DPP6: variants seen among roughly 807,000 people sequenced by gnomAD.
DPP6 encodes the protein A-type potassium channel modulatory protein DPP6.
DPP6 carries 69 observed loss-of-function variants against 122.6 expected under a neutral mutation model. The observed-to-expected ratio is 0.56, with a 90% CI of 0.46 to 0.69. The LOEUF (loss-of-function observed/expected upper bound fraction) is 0.69, where lower values mean the gene tolerates loss of function less well. DPP6 is among the 30% of genes least tolerant of loss of function. DPP6 has a pLI of 0.00. For synonymous variants in DPP6, 418 were observed against 433.1 expected (o/e 0.97, Z 0.43); for missense variants, 928 against 1,116.9 (o/e 0.83, Z 2.41).
intron 1 of DPP6, among the ~76,000 whole-genome samples, chr7:153,948,553 A>T (rs536847842): frequency 6.6e-6 from 1 of 152,102 alleles, no homozygotes; most frequent in Admixed American, 6.5e-5. Context: ...TAGAAATAGG[A>T]ATGTTAATAC....
chr7:154,737,750 G>A (rs1475732664), intron 8 of DPP6, among the ~76,000 whole-genome samples: 1 of 152,202 alleles, frequency 6.6e-6, no homozygotes, highest in Non-Finnish European at 1.5e-5. Flanking sequence ...GCAGCATCCT[G>A]TAGATGTGTC....
the DPP6 span, among the ~76,000 whole-genome samples, chr7:153,775,728 C>T: frequency 6.6e-6 from 1 of 151,942 alleles, no homozygotes; most frequent in Non-Finnish European, 1.5e-5. Flanking sequence ...GTGAGTTTAG[C>T]AAGGTCACAA....
At chr7:154,861,528 C>G (rs1803395329) in intron 17 of DPP6, among the ~76,000 whole-genome samples, 1 of 152,128 alleles carries the variant, frequency 6.6e-6, no homozygotes, top group Non-Finnish European at 1.5e-5. Context: ...GAATTCTGTC[C>G]TAACGTCATT....
chr7:154,143,361 T>A (rs1795936826), intron 1 of DPP6, among the ~76,000 whole-genome samples: 1 of 151,940 alleles, frequency 6.6e-6, no homozygotes, highest in Non-Finnish European at 1.5e-5. Context: ...TGCAGTAGAT[T>A]TGAAAGTCTT....
At position 153,976,879 on chromosome 7, in the gene DPP6, C is replaced by T. The variant is rs376178742; in HGVS notation, c.51+89145C>T. On this transcript the variant is annotated intron_variant, in intron 1 of 25. Coordinates refer to the DPP6 transcript ENST00000404039. ...ATCGGGGCTGCCACTGGGCCCCTCC[C>T]TCACACCTCATGCTCCACCAGGAGA... Among the ~76,000 whole-genome samples, 87 of 152,294 alleles carry T rather than the reference C, an allele frequency of 5.7e-4. 1 individual carries two copies. The East Asian group carries it at 0.015, about 26-fold the overall frequency.
At chr7:154,891,837 C>T (rs1806638336) in intron 25 of DPP6, among the ~76,000 whole-genome samples, 1 of 152,288 alleles carries the variant, frequency 6.6e-6, no homozygotes, top group East Asian at 1.9e-4. Flanking sequence ...CCTCCCGCCT[C>T]GGCCTGCCAA....
At chr7:154,858,541 C>G (rs1803030541) in intron 17 of DPP6, 3 of 152,538 alleles carry the variant, frequency 2.0e-5, no homozygotes, top group Non-Finnish European at 2.9e-5. Context: ...TCAGCACCTT[C>G]TCCGCCCATA....
rs1416006422 is a variant in DPP6 at position 154,793,980 on chromosome 7, C to T, written c.1137-99C>T. The T allele has an allele frequency of 5.4e-6, 8 of 1,483,004 alleles. No homozygotes were observed. The South Asian group carries it at 7.1e-5, about 13-fold the overall frequency. The allele number at this position is 1,483,004 out of a possible 1,614,324, so 91.9% of individuals were successfully genotyped here. Reference sequence around the variant, plus strand: ...CTGTGTCACCACTGGCTCCGGCCCCCGGCTCCCGTGTCGTGTCCAGGGCTG... The same window carrying T: ...CTGTGTCACCACTGGCTCCGGCCCCTGGCTCCCGTGTCGTGTCCAGGGCTG... On this transcript the variant is annotated intron_variant, in intron 10 of 25. Coordinates refer to ENST00000377770, the MANE Select transcript of DPP6 (RefSeq NM_130797.4).
intron 1 of DPP6, among the ~76,000 whole-genome samples, chr7:154,061,204 C>A (rs1483832558): frequency 6.7e-6 from 1 of 149,268 alleles, no homozygotes; most frequent in African/African-American, 2.4e-5. Flanking sequence ...ATTAGCCAAG[C>A]CTTTGTATGA....
intron 3 of DPP6, among the ~76,000 whole-genome samples, chr7:154,504,924 C>G (rs1310057348): frequency 6.6e-6 from 1 of 152,000 alleles, no homozygotes; most frequent in East Asian, 1.9e-4. Context: ...TCAAAGTTAC[C>G]ATGTTGAAAG....
intron 1 of DPP6, among the ~76,000 whole-genome samples, chr7:154,328,986 T>C (rs1290300929): frequency 6.6e-6 from 1 of 152,230 alleles, no homozygotes; most frequent in Non-Finnish European, 1.5e-5. Flanking sequence ...TGTGGATAGC[T>C]CTGTAAGTAG....
intron 1 of DPP6, among the ~76,000 whole-genome samples, chr7:154,432,720 C>T (rs990261315): frequency 6.6e-6 from 1 of 152,046 alleles, no homozygotes; most frequent in Non-Finnish European, 1.5e-5. Context: ...GCATGCTGAG[C>T]GTGGGTTTCA....
At chr7:154,169,641 A>G (rs1185680090) in intron 1 of DPP6, among the ~76,000 whole-genome samples, 2 of 152,160 alleles carry the variant, frequency 1.3e-5, no homozygotes, top group Non-Finnish European at 2.9e-5. Flanking sequence ...AATGTAAGCT[A>G]ATGTTATTTT....
chr7:154,247,437 A>G (rs998860980), intron 1 of DPP6, among the ~76,000 whole-genome samples: 1 of 152,224 alleles, frequency 6.6e-6, no homozygotes, highest in Non-Finnish European at 1.5e-5. Context: ...TAATGGACAA[A>G]AGACTTGAAC....
chr7:153,893,766 C>T (rs988641340), intron 1 of DPP6, among the ~76,000 whole-genome samples: 1 of 152,230 alleles, frequency 6.6e-6, no homozygotes, highest in Non-Finnish European at 1.5e-5. Context: ...CTGAGGCATA[C>T]ACAGACCAGT....
chr7:154,098,430 A>C (rs957128609), intron 1 of DPP6, among the ~76,000 whole-genome samples: 9 of 152,206 alleles, frequency 5.9e-5, no homozygotes, highest in African/African-American at 2.2e-4. Flanking sequence ...GTATCAAAGA[A>C]TTTGCGGTCA....
chr7:153,945,071 C>G (rs534812761), intron 1 of DPP6, among the ~76,000 whole-genome samples: 1 of 152,192 alleles, frequency 6.6e-6, no homozygotes, highest in South Asian at 2.1e-4. Context: ...GGAGGGTCTT[C>G]CCGGCAGACT....
intron 1 of DPP6, among the ~76,000 whole-genome samples, chr7:154,006,024 A>G (rs2129047304): frequency 6.6e-6 from 1 of 152,138 alleles, no homozygotes; most frequent in South Asian, 2.1e-4. Flanking sequence ...CTGTTGCTGG[A>G]TTGAATATGA....
chr7:154,460,042 C>CATGATCCTA (rs1821161112), intron 2 of DPP6, among the ~76,000 whole-genome samples: 2 of 126,982 alleles, frequency 1.6e-5, no homozygotes, highest in Middle Eastern at 6.3e-3. Context: ...AGTGCAATGG[C>CATGATCCTA]ATGATCCTAG....
Sources: gnomAD v4.1 joint callset for allele counts (sites outside exome capture counted in the v4.1 genomes callset) on GRCh38, gnomAD v4.1.1 for gene constraint, MANE v1.5 for transcripts, NCBI Gene and HGNC (gene_info 2026-07-23, HGNC 2026-07-21) for gene names.